Variants in ZFYVE16 observed in about 807,000 individuals in gnomAD.
ZFYVE16 encodes the protein zinc finger FYVE-type containing 16.
In ZFYVE16, 89 loss-of-function variants were observed where a neutral mutation model predicts 138.1. That is an observed-to-expected ratio of 0.64 (90% confidence interval 0.54 to 0.77). ZFYVE16 has a LOEUF of 0.77. ZFYVE16 is among the 30% of genes least tolerant of loss of function. The pLI, the probability that ZFYVE16 is intolerant of heterozygous loss-of-function variation, is 0.00. For synonymous variants in ZFYVE16, 596 were observed against 618.3 expected, an observed-to-expected ratio of 0.96 and a Z score of 0.53; for missense variants, 1,793 against 1,786.7, an observed-to-expected ratio of 1.00 and a Z score of -0.06.
At chr5:80,467,736 A>C (rs1159838264) in intron 15 of ZFYVE16, among the ~76,000 whole-genome samples, 1 of 152,214 alleles carries the variant, frequency 6.6e-6, no homozygotes, top group African/African-American at 2.4e-5. Context: ...AAACAGGAAA[A>C]TGTGGTCTAT....
Position 80,473,812 on chromosome 5 carries a change from CTG to C in ZFYVE16, c.4247_4248del (p.Leu1416ArgfsTer5). ...LQGFPSEKIKLEADFETDEKI... is the reference protein window; with the variant it reads ...LQGFPSEKIKXEADFETDEKI... Reference sequence around the variant, plus strand: ...AGGATTTCCAAGTGAAAAAATAAAACTGGAAGCAGATTTTGAAACCGATGAGA... The same window carrying C: ...AGGATTTCCAAGTGAAAAAATAAAACGAAGCAGATTTTGAAACCGATGAGA... On this transcript the variant is annotated frameshift_variant, in exon 17 of 19. Transcript: ENST00000505560. LOFTEE classifies it high-confidence loss of function. The C allele has an allele frequency of 6.2e-7, 1 of 1,612,910 alleles. No individual in the cohort carries two copies.
Position 80,451,614 on chromosome 5 carries a change from CT to C in ZFYVE16, c.3516del (p.Leu1173PhefsTer21), listed in dbSNP as rs1561302799. 1.2e-6 allele frequency: 2 copies of C among 1,613,808 alleles called. No homozygotes were observed. The highest frequency in any genetic ancestry group is 1.3e-5 in the African/African-American group (1 of 75,002). ...KLDDLSLPSN[P>X]FLCGILIQKL... ...GATGATCTCTCATTACCAAGTAATC[CT>C]TTTCTTTGTGGAATTCTTATCCAGA... On this transcript the variant is annotated frameshift_variant, in exon 11 of 19. Transcript: ENST00000505560. LOFTEE classifies it high-confidence loss of function.
Position 80,437,962 on chromosome 5 carries a change from A to G in ZFYVE16, c.1277A>G (p.Glu426Gly), listed in dbSNP as rs1165261407. 6.2e-7 allele frequency: 1 copy of G among 1,614,062 alleles called. No individual in the cohort carries two copies. The highest frequency in any genetic ancestry group is 8.5e-7 in the Non-Finnish European group (1 of 1,179,958). ...EIQNSVVLGG[E>G]PFKENDLLKQ... is the part of the protein sequence containing the mutation. The stretch of plus-strand genomic sequence containing the variant: ...CAGAACAGTGTTGTTCTAGGTGGGG[A>G]ACCATTCAAAGAGAATGATCTTTTG... Residue 426 changes from glutamate (E) to glycine (G), a missense_variant, in exon 4 of 19, where the codon GAA (glutamate) becomes GGA (glycine). Transcript: ENST00000505560.
chr5:80,476,976 G>C (rs1281023575), intron 18 of ZFYVE16, among the ~76,000 whole-genome samples: 1 of 152,032 alleles, frequency 6.6e-6, no homozygotes, highest in Non-Finnish European at 1.5e-5. Flanking sequence ...TGTTCATTTA[G>C]AGGAAACGTA....
intron 17 of ZFYVE16, 44 bp downstream of exon 17, chr5:80,473,903 G>A: frequency 6.7e-7 from 1 of 1,490,978 alleles, no homozygotes; most frequent in South Asian, 1.2e-5. Flanking sequence ...GTTTCAATAT[G>A]ATTTTTGTTC....
At chr5:80,459,806 A>G (rs75957641) in intron 15 of ZFYVE16, among the ~76,000 whole-genome samples, 3,188 of 152,248 alleles carry the variant, frequency 0.021, 117 homozygotes, top group African/African-American at 0.072. Flanking sequence ...ATCATTCTTC[A>G]CATAGTTATA....
intron 6 of ZFYVE16, among the ~76,000 whole-genome samples, chr5:80,443,642 A>G (rs1403807204): frequency 6.6e-6 from 1 of 152,194 alleles, no homozygotes; most frequent in African/African-American, 2.4e-5. Context: ...TACTCAGATG[A>G]CTAAAGTAGA....
At chr5:80,407,737 G>A (rs1341782522), upstream of ZFYVE16, among the ~76,000 whole-genome samples, 4 of 152,208 alleles carry the variant, frequency 2.6e-5, no homozygotes, top group Non-Finnish European at 5.9e-5. Flanking sequence ...CGGGGAAGCT[G>A]CCTCTAGGTT....
At chr5:80,475,546 C>G (rs1754817603) in intron 18 of ZFYVE16, among the ~76,000 whole-genome samples, 1 of 152,180 alleles carries the variant, frequency 6.6e-6, no homozygotes, top group African/African-American at 2.4e-5. Flanking sequence ...TTACTCATTT[C>G]TTACGTATTC....
At chr5:80,443,602 C>G (rs1202697645) in intron 6 of ZFYVE16, among the ~76,000 whole-genome samples, 1 of 152,166 alleles carries the variant, frequency 6.6e-6, no homozygotes, top group Non-Finnish European at 1.5e-5. Context: ...GCCCTGGTCA[C>G]AGCACCATGA....
At position 80,481,830 on chromosome 5, in the gene ZFYVE16, TTTTA is replaced by T. The variant is rs936990717; in HGVS notation, c.*4461_*4464del. On this transcript the variant is annotated 3_prime_UTR_variant, in exon 19 of 19. Coordinates refer to ENST00000505560, the MANE Select transcript of ZFYVE16 (RefSeq NM_001284236.3). ...GACTTAAAACTAGTTATTTTATTTT[TTTTA>T]TTTATTTTTGAGACAGTCTCTATCA... Among the ~76,000 whole-genome samples, 3 of 152,134 alleles carry T rather than the reference TTTTA, an allele frequency of 2.0e-5. No individual in the cohort carries two copies. The highest frequency in any genetic ancestry group is 4.8e-5 in the African/African-American group (2 of 41,428).
chr5:80,431,424 T>C (rs1180099535), intron 2 of ZFYVE16, among the ~76,000 whole-genome samples: 4 of 152,234 alleles, frequency 2.6e-5, no homozygotes, highest in Non-Finnish European at 5.9e-5. Context: ...AATTAGGTAT[T>C]GATGAGACGT....
chr5:80,429,969 C>T (rs891872642), intron 2 of ZFYVE16, among the ~76,000 whole-genome samples: 4 of 152,094 alleles, frequency 2.6e-5, no homozygotes, highest in Non-Finnish European at 5.9e-5. Context: ...AAGAGACTTT[C>T]ACTCCCACAC....
At chr5:80,430,193 A>G (rs913358204) in intron 2 of ZFYVE16, among the ~76,000 whole-genome samples, 1 of 152,228 alleles carries the variant, frequency 6.6e-6, no homozygotes, top group Non-Finnish European at 1.5e-5. Context: ...TTAGAAGTAA[A>G]GCACTCCTCA....
intron 13 of ZFYVE16, 65 bp downstream of exon 13, chr5:80,456,630 A>C: frequency 1.4e-6 from 2 of 1,421,294 alleles, no homozygotes; most frequent in Non-Finnish European, 1.9e-6. Context: ...GAATTGTGTC[A>C]CATTAAATTT....
chr5:80,420,000 C>A (rs1024179935), intron 1 of ZFYVE16, among the ~76,000 whole-genome samples: 2 of 150,996 alleles, frequency 1.3e-5, no homozygotes, highest in Non-Finnish European at 2.9e-5. Flanking sequence ...TTAGTAGAGA[C>A]GGGGTTTCAC....
At chr5:80,460,589 G>A (rs1036743487) in intron 15 of ZFYVE16, among the ~76,000 whole-genome samples, 1 of 152,208 alleles carries the variant, frequency 6.6e-6, no homozygotes, top group Non-Finnish European at 1.5e-5. Context: ...GCTGTGTGAG[G>A]TAGAGAAATC....
At chr5:80,473,211 A>C (rs567569733) in intron 16 of ZFYVE16, among the ~76,000 whole-genome samples, 1 of 152,270 alleles carries the variant, frequency 6.6e-6, no homozygotes, top group Middle Eastern at 3.4e-3. Flanking sequence ...AAGGCAAGAC[A>C]CTTTTTCTTT....
intron 16 of ZFYVE16, 34 bp downstream of exon 16, chr5:80,472,957 T>G: frequency 6.5e-7 from 1 of 1,541,540 alleles, no homozygotes; most frequent in Non-Finnish European, 8.8e-7. Context: ...TATAATTGAT[T>G]TGAAGGAAAG....
Sources: allele counts gnomAD v4.1 joint callset (sites outside exome capture counted in the v4.1 genomes callset), GRCh38; gene constraint gnomAD v4.1.1; transcripts MANE v1.5; gene names NCBI Gene and HGNC (gene_info 2026-07-23, HGNC 2026-07-21).